Variants in R3HCC1L observed in about 807,000 individuals in gnomAD.
R3HCC1L encodes the protein coiled-coil domain-containing protein R3HCC1L.
In R3HCC1L, 51 loss-of-function variants were observed where a neutral mutation model predicts 59.9. The ratio of observed to expected loss-of-function variants is 0.85; its 90% CI spans 0.68 to 1.07. The LOEUF is 1.07. Among genes scored for constraint, R3HCC1L ranks in the 50% least tolerant of loss-of-function variants. R3HCC1L has a pLI of 0.00. For synonymous variants in R3HCC1L, 322 were observed against 315.2 expected (o/e 1.02, Z -0.23); for missense variants, 965 against 933.0 (o/e 1.03, Z -0.45).
intron 4 of R3HCC1L, among the ~76,000 whole-genome samples, chr10:98,185,908 G>A (rs1025292983): frequency 1.2e-4 from 18 of 152,308 alleles, no homozygotes; most frequent in African/African-American, 4.1e-4. Flanking sequence ...CCAGGCATTT[G>A]TATGTGTTGT....
intron 4 of R3HCC1L, among the ~76,000 whole-genome samples, chr10:98,164,333 C>T (rs1378352416): frequency 6.6e-6 from 1 of 151,926 alleles, no homozygotes; most frequent in Non-Finnish European, 1.5e-5. Context: ...GAACTATAGG[C>T]ACAGAAAAAA....
At chr10:98,162,859 G>A (rs1159535634) in intron 2 of R3HCC1L, 24 bp from the exon 3 acceptor site, 2 of 152,240 alleles carry the variant, frequency 1.3e-5, no homozygotes, top group Admixed American at 1.3e-4. Context: ...TACCATGCTT[G>A]GCTGATTTCT....
At chr10:98,175,619 T>C (rs1848935000) in intron 4 of R3HCC1L, among the ~76,000 whole-genome samples, 1 of 152,162 alleles carries the variant, frequency 6.6e-6, no homozygotes, top group Non-Finnish European at 1.5e-5. Flanking sequence ...TATATCTTCT[T>C]TGGTGAAGTA....
At chr10:98,220,386 C>CT (rs143442343) in intron 5 of R3HCC1L, among the ~76,000 whole-genome samples, 21,962 of 127,798 alleles carry the variant, frequency 0.17, 1,966 homozygotes, top group Non-Finnish European at 0.2. Flanking sequence ...TTTTTCCCAT[C>CT]TTTTTTTTTT....
chr10:98,206,484 C>G (rs1437784777), intron 4 of R3HCC1L, among the ~76,000 whole-genome samples: 1 of 152,030 alleles, frequency 6.6e-6, no homozygotes, highest in Non-Finnish European at 1.5e-5. Flanking sequence ...GTGTCAGTTG[C>G]AGACTTGATA....
intron 4 of R3HCC1L, among the ~76,000 whole-genome samples, chr10:98,194,791 C>T (rs1851242215): frequency 6.6e-6 from 1 of 151,974 alleles, no homozygotes; most frequent in Non-Finnish European, 1.5e-5. Flanking sequence ...CTAAGATGGC[C>T]GCCATCAAAG....
At chr10:98,166,867 G>A (rs191854437) in intron 4 of R3HCC1L, among the ~76,000 whole-genome samples, 3 of 151,914 alleles carry the variant, frequency 2.0e-5, no homozygotes, top group African/African-American at 4.8e-5. Context: ...GGGTTTCACC[G>A]TGTTAGCCAG....
intron 5 of R3HCC1L, among the ~76,000 whole-genome samples, chr10:98,226,036 C>A (rs567263479): frequency 1.2e-3 from 181 of 152,094 alleles, no homozygotes; most frequent in African/African-American, 4.1e-3. Flanking sequence ...TTTGTAGAGG[C>A]AGGGTTTTGC....
chr10:98,221,589 C>T (rs552906952), intron 5 of R3HCC1L, among the ~76,000 whole-genome samples: 1 of 151,370 alleles, frequency 6.6e-6, no homozygotes, highest in South Asian at 2.1e-4. Context: ...TTTCAGCTTT[C>T]TACATATGGC....
intron 4 of R3HCC1L, among the ~76,000 whole-genome samples, chr10:98,185,446 G>C (rs1850129268): frequency 6.6e-6 from 1 of 152,140 alleles, no homozygotes; most frequent in African/African-American, 2.4e-5. Context: ...AGAATGATTA[G>C]GTAAGGCTTC....
chr10:98,135,725 C>T (rs1844503173), intron 1 of R3HCC1L, among the ~76,000 whole-genome samples: 1 of 152,144 alleles, frequency 6.6e-6, no homozygotes, highest in Admixed American at 6.5e-5. Context: ...TTAAGGCCCA[C>T]CAGAATTTAG....
At chr10:98,168,235 T>C (rs190778505) in intron 4 of R3HCC1L, among the ~76,000 whole-genome samples, 315 of 152,334 alleles carry the variant, frequency 2.1e-3, no homozygotes, top group Admixed American at 4.8e-3. Context: ...TTGTTCGGTA[T>C]ATTAAAGCTT....
chr10:98,226,985 A>C (rs1405681363), intron 5 of R3HCC1L, among the ~76,000 whole-genome samples: 1 of 152,186 alleles, frequency 6.6e-6, no homozygotes, highest in African/African-American at 2.4e-5. Flanking sequence ...TGGTAAACTC[A>C]AGAAAAGTTA....
At chr10:98,153,679 C>T (rs1313100785) in intron 1 of R3HCC1L, among the ~76,000 whole-genome samples, 1 of 148,134 alleles carries the variant, frequency 6.8e-6, no homozygotes, top group Non-Finnish European at 1.5e-5. Context: ...AAACAGTGAT[C>T]ATAAGACAGA....
At position 98,163,299 on chromosome 10, in the gene R3HCC1L, C is replaced by A; in HGVS notation, c.-113C>A. 1 of 684,056 alleles carries A rather than the reference C, an allele frequency of 1.5e-6. No homozygotes were observed. Among genetic ancestry groups the A allele is most frequent in the Non-Finnish European group, 2.2e-6 (1 of 457,110 alleles). 42.4% of individuals were successfully genotyped at this position (684,056 alleles called of 1,614,324 possible). A position where few individuals can be genotyped will look rare whatever the true frequency, so the allele number is the denominator to read the frequency against. On this transcript the variant is annotated 5_prime_UTR_variant, in exon 4 of 10. In the 5' UTR this introduces an upstream ATG that the reference lacks. Transcript: ENST00000298999. ...TATTATTACTATTTTTCAGGTGAGG[C>A]TGCTGTCAGAAAGGAACTTTTACAC...
chr10:98,184,775 T>C (rs1850050735), intron 4 of R3HCC1L, among the ~76,000 whole-genome samples: 1 of 152,182 alleles, frequency 6.6e-6, no homozygotes, highest in Non-Finnish European at 1.5e-5. Context: ...TCAGAGATCT[T>C]GCCCCTTCTT....
intron 5 of R3HCC1L, among the ~76,000 whole-genome samples, chr10:98,224,799 C>G (rs976566885): frequency 6.6e-6 from 1 of 152,094 alleles, no homozygotes; most frequent in Non-Finnish European, 1.5e-5. Flanking sequence ...ATTCTTAGCC[C>G]TAATAAAAAA....
At chr10:98,204,238 A>G (rs1439059371) in intron 4 of R3HCC1L, among the ~76,000 whole-genome samples, 2 of 152,092 alleles carry the variant, frequency 1.3e-5, no homozygotes, top group African/African-American at 2.4e-5. Context: ...GAGAAACCCC[A>G]TGTCTACTTA....
At chr10:98,242,707 T>C (rs111551711) in intron 9 of R3HCC1L, among the ~76,000 whole-genome samples, 1,667 of 152,364 alleles carry the variant, frequency 0.011, 14 homozygotes, top group South Asian at 0.04. Flanking sequence ...GGAGTTCTAA[T>C]AATTTACTTT....
Sources: allele counts gnomAD v4.1 joint callset (sites outside exome capture counted in the v4.1 genomes callset), GRCh38; gene constraint gnomAD v4.1.1; transcripts MANE v1.5; gene names NCBI Gene and HGNC (gene_info 2026-07-23, HGNC 2026-07-21).